SOBP: variants seen among roughly 807,000 people sequenced by gnomAD.
SOBP encodes sine oculis-binding protein homolog.
In SOBP, 4 loss-of-function variants were observed where a neutral mutation model predicts 53.6. That is an observed-to-expected ratio of 0.07 (90% CI 0.04 to 0.17). The LOEUF is 0.17. Ranked by LOEUF, SOBP falls within the 10% of genes least tolerant of loss-of-function variation. SOBP has a pLI of 1.00. For missense variants in SOBP, 1,088 were observed against 1,204.7 expected (o/e 0.90, Z 1.43); for synonymous variants, 584 against 522.6 (o/e 1.12, Z -1.60).
chr6:107,595,178 C>T (rs1051578989), intron 5 of SOBP, among the ~76,000 whole-genome samples: 2 of 152,074 alleles, frequency 1.3e-5, no homozygotes, highest in South Asian at 2.1e-4. Context: ...GCAATGTTTG[C>T]GGATTCCCAG....
At chr6:107,576,840 T>A (rs1785239460) in intron 4 of SOBP, among the ~76,000 whole-genome samples, 1 of 152,232 alleles carries the variant, frequency 6.6e-6, no homozygotes, top group African/African-American at 2.4e-5. Context: ...ATAGCATTTC[T>A]GTGGTTGCTG....
intron 5 of SOBP, among the ~76,000 whole-genome samples, chr6:107,591,637 G>T (rs1460996526): frequency 6.6e-6 from 1 of 152,196 alleles, no homozygotes; most frequent in Admixed American, 6.5e-5. Context: ...AGTACCTGAA[G>T]GCTAAGGGGT....
chr6:107,502,598 T>TA (rs1458141547), intron 1 of SOBP, among the ~76,000 whole-genome samples: 2 of 152,226 alleles, frequency 1.3e-5, no homozygotes, highest in East Asian at 3.8e-4. Flanking sequence ...TTATAGTTCA[T>TA]AAAATGTTTT....
chr6:107,615,293 T>C (rs1786745136), intron 5 of SOBP, among the ~76,000 whole-genome samples: 1 of 152,140 alleles, frequency 6.6e-6, no homozygotes, highest in Non-Finnish European at 1.5e-5. Context: ...GTAGGAGTAA[T>C]GAAATAAAAT....
rs111697019 is a variant in SOBP, at chr6:107,537,074, A to G, written c.573+3464A>G. Among the ~76,000 whole-genome samples, 5 of 152,204 alleles carry G rather than the reference A, an allele frequency of 3.3e-5. No homozygotes were observed. In the East Asian group the frequency reaches 5.8e-4, roughly 18 times the overall value. On this transcript the variant is annotated intron_variant, in intron 4 of 6. Coordinates refer to ENST00000317357, the MANE Select transcript of SOBP (RefSeq NM_018013.4). ...GAGAGCATTTCTGTCCTTGTAATTC[A>G]TCTAGGAATTGGAAAGTTGCAGAGA... is the stretch of plus-strand genomic sequence containing the variant.
chr6:107,562,439 G>A (rs1335554585), intron 4 of SOBP, among the ~76,000 whole-genome samples: 2 of 152,216 alleles, frequency 1.3e-5, no homozygotes, highest in Non-Finnish European at 2.9e-5. Context: ...CTGCCATGAG[G>A]TCTTGATGAG....
chr6:107,586,572 A>T (rs901812385), intron 4 of SOBP, among the ~76,000 whole-genome samples: 5 of 151,274 alleles, frequency 3.3e-5, no homozygotes, highest in Non-Finnish European at 7.4e-5. Flanking sequence ...TTACCAGATC[A>T]TCGCTCCTTT....
chr6:107,628,824 C>G (rs1478674448), intron 5 of SOBP, among the ~76,000 whole-genome samples: 1 of 152,220 alleles, frequency 6.6e-6, no homozygotes, highest in Non-Finnish European at 1.5e-5. Flanking sequence ...ACAGTTGATA[C>G]TGGGACCACG....
At position 107,634,261 on chromosome 6, in the gene SOBP, C is replaced by G. The variant is rs975569114; in HGVS notation, c.1417C>G (p.Pro473Ala). The change falls in exon 6 of 7, where the codon CCA (proline) becomes GCA (alanine). Residue 473 changes from proline (P) to alanine (A), a missense_variant. Transcript: ENST00000317357. The surrounding 1 kb of genome is among the most constrained non-coding windows in gnomAD (Gnocchi z 4.5). ...PSTPTMPGNP[P>A]GLLPPPPPGA... ...CACCCCCACCATGCCCGGGAACCCCCCAGGCCTGCTGCCCCCGCCGCCTCC... is the reference window on the plus strand; with the variant it reads ...CACCCCCACCATGCCCGGGAACCCCGCAGGCCTGCTGCCCCCGCCGCCTCC... The G allele has an allele frequency of 1.3e-6, 2 of 1,567,390 alleles. No homozygotes were observed. Among genetic ancestry groups the G allele is most frequent in the African/African-American group, 2.7e-5 (2 of 73,838 alleles).
intron 3 of SOBP, among the ~76,000 whole-genome samples, chr6:107,522,986 G>C (rs888695153): frequency 6.6e-6 from 1 of 152,202 alleles, no homozygotes; most frequent in Non-Finnish European, 1.5e-5. Flanking sequence ...AGGAACTGAG[G>C]TGGGAAACGC....
chr6:107,573,355 G>GA (rs796625442), intron 4 of SOBP, among the ~76,000 whole-genome samples: 3 of 147,178 alleles, frequency 2.0e-5, no homozygotes, highest in African/African-American at 7.4e-5. Flanking sequence ...GCCAGCTGAG[G>GA]TTTTTTTTTT....
At chr6:107,504,901 C>T (rs1348056991) in intron 2 of SOBP, among the ~76,000 whole-genome samples, 1 of 152,164 alleles carries the variant, frequency 6.6e-6, no homozygotes, top group Non-Finnish European at 1.5e-5. Flanking sequence ...ACTAATAGCT[C>T]ATATAATACT....
At chr6:107,534,600 C>G (rs1224075833) in intron 4 of SOBP, among the ~76,000 whole-genome samples, 2 of 152,178 alleles carry the variant, frequency 1.3e-5, no homozygotes, top group African/African-American at 4.8e-5. Context: ...TATGGGCTCA[C>G]TGCATTGCAG....
At chr6:107,544,160 T>C (rs560574350) in intron 4 of SOBP, among the ~76,000 whole-genome samples, 72 of 152,246 alleles carry the variant, frequency 4.7e-4, no homozygotes, top group African/African-American at 1.6e-3. Flanking sequence ...CGTCCACACA[T>C]TGAAGCTACT....
rs1203430792 is a variant in SOBP, at chr6:107,607,190, A to G, written c.669+20015A>G. Among the ~76,000 whole-genome samples the G allele has an allele frequency of 2.6e-5, 4 of 152,218 alleles. No individual in the cohort carries two copies. In the East Asian group the frequency reaches 7.7e-4, roughly 29 times the overall value. On this transcript the variant is annotated intron_variant, in intron 5 of 6. Transcript: ENST00000317357. ...AATCATGGAGAGGACTTGGGGCTCC[A>G]GCTACACATCCCAGTCTGCCTTACA...
chr6:107,582,410 TAGAG>T (rs1785431225), intron 4 of SOBP, among the ~76,000 whole-genome samples: 1 of 152,150 alleles, frequency 6.6e-6, no homozygotes, highest in Non-Finnish European at 1.5e-5. Context: ...GTTTTTGAAG[TAGAG>T]AGGCAATTAC....
chr6:107,592,128 C>T (rs773223987), intron 5 of SOBP, among the ~76,000 whole-genome samples: 1 of 152,114 alleles, frequency 6.6e-6, no homozygotes, highest in African/African-American at 2.4e-5. Context: ...TCTTTTCCTG[C>T]TCAACACAAC....
chr6:107,617,305 C>T (rs553153902), intron 5 of SOBP, among the ~76,000 whole-genome samples: 66 of 152,088 alleles, frequency 4.3e-4, no homozygotes, highest in Non-Finnish European at 8.1e-4. Context: ...ATAAAACTCT[C>T]GAGATAAGAT....
chr6:107,516,049 GGAATA>G (rs1374787379), intron 3 of SOBP, among the ~76,000 whole-genome samples: 3 of 152,086 alleles, frequency 2.0e-5, no homozygotes, highest in Non-Finnish European at 2.9e-5. Flanking sequence ...TGGCAAAGGA[GGAATA>G]GAATAGAACT....
Sources: gnomAD v4.1 joint callset for allele counts (sites outside exome capture counted in the v4.1 genomes callset) on GRCh38, gnomAD v4.1.1 for gene constraint, Gnocchi (gnomAD v3.1) non-coding constraint, MANE v1.5 for transcripts, NCBI Gene and HGNC (gene_info 2026-07-23, HGNC 2026-07-21) for gene names.